FAR2: variants seen among roughly 807,000 people sequenced by gnomAD.
FAR2 encodes epididymis secretory protein Li 81.
In FAR2, 19 loss-of-function variants were observed where a neutral mutation model predicts 56.0. That is an observed-to-expected ratio of 0.34 (90% CI 0.24 to 0.50). The LOEUF (loss-of-function observed/expected upper bound fraction) is 0.50, where lower values mean the gene tolerates loss of function less well. Ranked by LOEUF, FAR2 falls within the 20% of genes least tolerant of loss-of-function variation. The probability of loss-of-function intolerance (pLI) is 0.98; values close to 1 mark genes in which losing one functional copy is unlikely to be tolerated. For synonymous variants in FAR2, 219 were observed against 218.8 expected (o/e 1.00, Z -0.01); for missense variants, 508 against 642.2 (o/e 0.79, Z 2.26).
At chr12:29,326,301 A>G (rs1290561248) in intron 10 of FAR2, among the ~76,000 whole-genome samples, 3 of 152,366 alleles carry the variant, frequency 2.0e-5, no homozygotes, top group African/African-American at 7.2e-5. Flanking sequence ...AGATGGATTC[A>G]CAGCCGAATT....
intron 1 of FAR2, among the ~76,000 whole-genome samples, chr12:29,254,533 G>A (rs1421283234): frequency 6.6e-6 from 1 of 152,122 alleles, no homozygotes; most frequent in Non-Finnish European, 1.5e-5. Context: ...GGATCAATTA[G>A]GTCTTTGTAT....
chr12:29,317,246 TGATGG>T (rs1949466111), intron 9 of FAR2, among the ~76,000 whole-genome samples: 1 of 152,214 alleles, frequency 6.6e-6, no homozygotes, highest in Non-Finnish European at 1.5e-5. Context: ...TTACCTCATG[TGATGG>T]GTCACAGTCA....
At chr12:29,256,498 C>T (rs1948318501) in intron 1 of FAR2, among the ~76,000 whole-genome samples, 1 of 152,232 alleles carries the variant, frequency 6.6e-6, no homozygotes, top group South Asian at 2.1e-4. Flanking sequence ...TCACAGCCCT[C>T]GCTCACTCTC....
At position 29,153,350 on chromosome 12, in the gene FAR2, C is replaced by T. The variant is rs570838862; in HGVS notation, c.-39+3943C>T. On this transcript the variant is annotated intron_variant, in intron 1 of 11. Transcript: ENST00000536681. ...GGGTTAACTTGACTAAAAAAAAAATCAACAAAGAGAAAAAGCAATCTGGGC... is the reference window on the plus strand; with the variant it reads ...GGGTTAACTTGACTAAAAAAAAAATTAACAAAGAGAAAAAGCAATCTGGGC... 6.9e-4 allele frequency among the ~76,000 whole-genome samples: 105 copies of T among 152,098 alleles called. 1 individual carries two copies. The South Asian group carries it at 0.021, about 30-fold the overall frequency.
rs141289930 is a variant in FAR2 at position 29,223,297 on chromosome 12, A to G, written c.-38-47115A>G. On this transcript the variant is annotated intron_variant, in intron 1 of 11. Coordinates refer to ENST00000536681, the MANE Select transcript of FAR2 (RefSeq NM_001271783.2). ...ACTACAGTGCATTCCTACTTCTGTA[A>G]ATCTCTTCTCCTTCCTTTCTCTGAG... 6.6e-5 allele frequency among the ~76,000 whole-genome samples: 10 copies of G among 152,330 alleles called. No homozygotes were observed. In the East Asian group the frequency reaches 1.9e-3, roughly 29 times the overall value.
chr12:29,303,379 C>G (rs1949207221), intron 4 of FAR2, among the ~76,000 whole-genome samples: 1 of 152,170 alleles, frequency 6.6e-6, no homozygotes, highest in Admixed American at 6.5e-5. Flanking sequence ...TATCTCTATG[C>G]TCCCTCTTTC....
intron 10 of FAR2, among the ~76,000 whole-genome samples, chr12:29,322,273 CAT>C (rs1388424044): frequency 6.6e-6 from 1 of 152,202 alleles, no homozygotes; most frequent in Admixed American, 6.5e-5. Flanking sequence ...TCTGCCACAG[CAT>C]ATGACTTCAA....
intron 1 of FAR2, among the ~76,000 whole-genome samples, chr12:29,192,077 A>C (rs1039672033): frequency 6.6e-6 from 1 of 152,220 alleles, no homozygotes; most frequent in Non-Finnish European, 1.5e-5. Flanking sequence ...AGTGACTTTC[A>C]GAAAGTAGTA....
chr12:29,335,081 T>C lies in FAR2; in HGVS notation c.*1287T>C, dbSNP rs532842200. The C allele has an allele frequency of 6.6e-6, 1 of 152,298 alleles. No individual in the cohort carries two copies. The allele number at this position is 152,298 out of a possible 1,614,324, so 9.4% of individuals were successfully genotyped here. On this transcript the variant is annotated 3_prime_UTR_variant, in exon 12 of 12. Transcript: ENST00000536681. The stretch of plus-strand genomic sequence containing the variant: ...ATATAGTACTTGGGGCCTAAACAAC[T>C]AAAATTAGTCACCGCATAACTAGTT...
chr12:29,270,617 T>C lies in FAR2; in HGVS notation c.168T>C (p.Val56=), dbSNP rs1271921868. The change falls in exon 2 of 12, where the codon GTT becomes GTC. Residue 56 remains valine, a synonymous_variant. Transcript: ENST00000536681. ...PKAGQTLQQR[V]FQILDSKLFE... is the part of the protein sequence containing the mutation. ...CTGGCCAGACACTGCAGCAGAGGGT[T>C]TTCCAGATCCTAGACAGTAAGGTAT... 6.2e-7 allele frequency: 1 copy of C among 1,613,032 alleles called. No homozygotes were observed. The highest frequency in any genetic ancestry group is 2.2e-5 in the East Asian group (1 of 44,854).
At chr12:29,226,522 A>T (rs1454098219) in intron 1 of FAR2, among the ~76,000 whole-genome samples, 1 of 152,222 alleles carries the variant, frequency 6.6e-6, no homozygotes, top group Admixed American at 6.5e-5. Flanking sequence ...GGTTTAAATT[A>T]TAAGAGTTTC....
At chr12:29,256,567 C>G (rs560626521) in intron 1 of FAR2, among the ~76,000 whole-genome samples, 1 of 152,226 alleles carries the variant, frequency 6.6e-6, no homozygotes, top group Non-Finnish European at 1.5e-5. Flanking sequence ...TTCAGCCCAC[C>G]GCTGCACTGT....
chr12:29,182,148 G>T (rs1202055669), intron 1 of FAR2, among the ~76,000 whole-genome samples: 1 of 152,190 alleles, frequency 6.6e-6, no homozygotes, highest in Non-Finnish European at 1.5e-5. Context: ...CAAGAATGAA[G>T]CCACAGACCT....
chr12:29,258,772 G>A (rs897687562), intron 1 of FAR2, among the ~76,000 whole-genome samples: 2 of 152,124 alleles, frequency 1.3e-5, no homozygotes, highest in African/African-American at 2.4e-5. Context: ...TGGCTCAATC[G>A]TCATTCTTTT....
intron 11 of FAR2, 94 bp downstream of exon 11, chr12:29,332,821 T>G: frequency 8.1e-7 from 1 of 1,234,332 alleles, no homozygotes; most frequent in Non-Finnish European, 1.2e-6. Context: ...AATGAACATT[T>G]CTTGAGCATT....
intron 1 of FAR2, among the ~76,000 whole-genome samples, chr12:29,158,364 G>T (rs1428836649): frequency 6.6e-6 from 1 of 152,220 alleles, no homozygotes; most frequent in Non-Finnish European, 1.5e-5. Context: ...TGGGGATTGA[G>T]ATCCACTTAC....
At chr12:29,261,709 C>T (rs753072134) in intron 1 of FAR2, among the ~76,000 whole-genome samples, 1 of 152,200 alleles carries the variant, frequency 6.6e-6, no homozygotes, top group Non-Finnish European at 1.5e-5. Context: ...AGTTCCAATA[C>T]ATCTGGTAGC....
chr12:29,324,731 A>G (rs1220972990), intron 10 of FAR2, among the ~76,000 whole-genome samples: 1 of 152,164 alleles, frequency 6.6e-6, no homozygotes, highest in Non-Finnish European at 1.5e-5. Context: ...GCCTGCCCTA[A>G]AAGAGCTCCT....
At chr12:29,317,196 A>G (rs1231838925) in intron 9 of FAR2, among the ~76,000 whole-genome samples, 184 bp downstream of exon 9, 1 of 152,222 alleles carries the variant, frequency 6.6e-6, no homozygotes, top group Admixed American at 6.5e-5. Context: ...AAACGTTTTG[A>G]GTGCTGACAT....
Sources: gnomAD v4.1 joint callset for allele counts (sites outside exome capture counted in the v4.1 genomes callset) on GRCh38, gnomAD v4.1.1 for gene constraint, MANE v1.5 for transcripts, NCBI Gene and HGNC (gene_info 2026-07-23, HGNC 2026-07-21) for gene names.